Variants in TMEM169 observed in about 807,000 individuals in gnomAD.
TMEM169 encodes transmembrane protein 169.
A neutral mutation model predicts 27.3 loss-of-function variants in TMEM169; 18 were observed. The observed-to-expected ratio is 0.66, with a 90% CI of 0.46 to 0.98. TMEM169 has a LOEUF of 0.98. Among genes scored for constraint, TMEM169 ranks in the 50% least tolerant of loss-of-function variants. TMEM169 has a pLI of 0.00. For missense variants in TMEM169, 320 were observed against 368.6 expected (o/e 0.87, Z 1.08); for synonymous variants, 136 against 142.1 (o/e 0.96, Z 0.30).
rs147093804 is a variant in TMEM169 at position 216,087,386 on chromosome 2, A to C, written c.-127+5407A>C. On this transcript the variant is annotated intron_variant, in intron 1 of 2. Transcript: ENST00000437356. Reference sequence around the variant, plus strand: ...TGTCTTCCAGTTTAGAGGAAGTAGTATGAAGGCTGTATTCTGGCATATGGT... The same window carrying C: ...TGTCTTCCAGTTTAGAGGAAGTAGTCTGAAGGCTGTATTCTGGCATATGGT... Among the ~76,000 whole-genome samples the C allele has an allele frequency of 3.4e-4, 52 of 152,350 alleles. 1 individual carries two copies. The East Asian group carries it at 9.2e-3, about 27-fold the overall frequency.
rs140150309 is a variant in TMEM169 at position 216,096,036 on chromosome 2, G to A, written c.73G>A (p.Val25Met). ...SPHQGSLRKAVAAALALDGES... is the reference protein window; with the variant it reads ...SPHQGSLRKAMAAALALDGES... ...CCACCAGGGCTCTCTCAGGAAGGCT[G>A]TGGCTGCTGCCCTGGCGCTGGATGG... The change falls in exon 2 of 3, where the codon GTG (valine) becomes ATG (methionine). Residue 25 changes from valine to methionine, a missense_variant. Transcript: ENST00000437356. 192 of 1,614,226 alleles carry A rather than the reference G, an allele frequency of 1.2e-4. 1 individual carries two copies. In the Middle Eastern group the frequency reaches 4.6e-3, roughly 39 times the overall value.
intron 1 of TMEM169, among the ~76,000 whole-genome samples, chr2:216,093,837 T>C (rs914200365): frequency 1.3e-5 from 2 of 152,156 alleles, no homozygotes; most frequent in African/African-American, 4.8e-5. Context: ...TTAAGAGATA[T>C]GCTATACAGT....
At chr2:216,092,185 G>T (rs1394098789) in intron 1 of TMEM169, among the ~76,000 whole-genome samples, 1 of 152,012 alleles carries the variant, frequency 6.6e-6, no homozygotes, top group Non-Finnish European at 1.5e-5. Context: ...CCAACAAGAT[G>T]ACCATGTTTA....
In TMEM169 at chr2:216,099,202, T is replaced by G. The variant is rs544614507; in HGVS notation, c.272-718T>G. Among the ~76,000 whole-genome samples, 14 of 150,824 alleles carry G rather than the reference T, an allele frequency of 9.3e-5. No individual in the cohort carries two copies. In the East Asian group the frequency reaches 2.1e-3, roughly 23 times the overall value. ...GAGGTTGTGTGTGGCATGTGTGTGG[T>G]GTATGTGTTATGTATGGTGTTTGGT... On this transcript the variant is annotated intron_variant, in intron 2 of 2. Transcript: ENST00000437356. This position sits in a 1 kb window ranked among gnomAD's most constrained non-coding sequence, Gnocchi z 5.0.
intron 2 of TMEM169, among the ~76,000 whole-genome samples, chr2:216,096,931 T>G (rs1696277325): frequency 6.6e-6 from 1 of 152,158 alleles, no homozygotes; most frequent in Admixed American, 6.5e-5. Context: ...ATGACAACAA[T>G]GAGATATAGT....
intron 1 of TMEM169, among the ~76,000 whole-genome samples, chr2:216,087,315 C>A (rs1351629617): frequency 1.3e-5 from 2 of 151,956 alleles, no homozygotes; most frequent in Non-Finnish European, 2.9e-5. Context: ...TATTAATCAC[C>A]ATTAATATGG....
chr2:216,085,040 G>C (rs1695964213), intron 1 of TMEM169, among the ~76,000 whole-genome samples: 1 of 152,136 alleles, frequency 6.6e-6, no homozygotes, highest in South Asian at 2.1e-4. Context: ...CCAGGCTGGA[G>C]TGCAGTGGCA....
At chr2:216,088,255 C>G (rs200569563) in intron 1 of TMEM169, among the ~76,000 whole-genome samples, 1 of 151,778 alleles carries the variant, frequency 6.6e-6, no homozygotes, top group African/African-American at 2.4e-5. Flanking sequence ...GTCAGGAGAT[C>G]GAGACCATCC....
intron 1 of TMEM169, among the ~76,000 whole-genome samples, chr2:216,092,533 A>G (rs1423708625): frequency 6.6e-6 from 1 of 152,088 alleles, no homozygotes; most frequent in Non-Finnish European, 1.5e-5. Context: ...TTCCTAGAGC[A>G]CCACCCCCTC....
chr2:216,099,822 G>A lies in TMEM169; in HGVS notation c.272-98G>A. The A allele has an allele frequency of 4.0e-6, 6 of 1,492,616 alleles. No homozygotes were observed. The highest frequency in any genetic ancestry group is 5.4e-6 in the Non-Finnish European group (6 of 1,113,760). 92.5% of individuals were successfully genotyped at this position (1,492,616 alleles called of 1,614,324 possible). ...GGACTGTGCCAGATGGTGTAAAAAA[G>A]GCTACTCTTGTCCTCATGCCCAGCC... On this transcript the variant is annotated intron_variant, in intron 2 of 2. Transcript: ENST00000437356. The surrounding 1 kb of genome is among the most constrained non-coding windows in gnomAD (Gnocchi z 5.0).
chr2:216,094,597 A>G (rs557221513), intron 1 of TMEM169, among the ~76,000 whole-genome samples: 2 of 152,318 alleles, frequency 1.3e-5, no homozygotes, highest in East Asian at 3.9e-4. Context: ...CCTGCCAAAC[A>G]AAACAAACCA....
chr2:216,087,940 C>T (rs776279046), intron 1 of TMEM169, among the ~76,000 whole-genome samples: 11 of 152,040 alleles, frequency 7.2e-5, no homozygotes, highest in East Asian at 3.9e-4. Context: ...AGATGGATCA[C>T]TTGAGGTCAG....
At position 216,096,115 on chromosome 2, in the gene TMEM169, C is replaced by T. The variant is rs1487474472; in HGVS notation, c.152C>T (p.Ser51Phe). ...KKKRKESRPE[S>F]IIIYRSDNEK... ...AAGAGGAAAGAGTCACGCCCAGAAT[C>T]CATCATCATCTACCGCTCAGACAAT... The change falls in exon 2 of 3, where the codon TCC becomes TTC. Residue 51 changes from serine (S) to phenylalanine (F), a missense_variant. Physicochemically the swap from Ser to Phe is radical, Grantham distance 155 (BLOSUM62 -2). Coordinates refer to ENST00000437356, the MANE Select transcript of TMEM169 (RefSeq NM_001142311.2). The T allele has an allele frequency of 6.2e-6, 10 of 1,614,036 alleles. No individual in the cohort carries two copies. In the Admixed American group the frequency reaches 1.7e-4, roughly 27 times the overall value.
chr2:216,084,951 G>A (rs746002431), intron 1 of TMEM169, among the ~76,000 whole-genome samples: 19 of 152,022 alleles, frequency 1.2e-4, no homozygotes, highest in Non-Finnish European at 2.1e-4. Flanking sequence ...GAAGTTACAG[G>A]AGGATTTTAA....
intron 1 of TMEM169, among the ~76,000 whole-genome samples, chr2:216,094,506 C>CA: frequency 6.6e-6 from 1 of 152,132 alleles, no homozygotes; most frequent in Non-Finnish European, 1.5e-5. Context: ...TGGCCATTAA[C>CA]GGGCTGTTAA....
intron 1 of TMEM169, among the ~76,000 whole-genome samples, chr2:216,093,549 A>T (rs1391374778): frequency 6.6e-6 from 1 of 152,094 alleles, no homozygotes; most frequent in African/African-American, 2.4e-5. Flanking sequence ...CATCCTGTGG[A>T]TCCTACCACT....
intron 1 of TMEM169, among the ~76,000 whole-genome samples, chr2:216,092,065 G>A (rs1338578399): frequency 6.6e-6 from 1 of 152,150 alleles, no homozygotes; most frequent in African/African-American, 2.4e-5. Flanking sequence ...AAGGTGAATA[G>A]CCAGGAGCTC....
At chr2:216,086,183 G>T (rs1198603599) in intron 1 of TMEM169, among the ~76,000 whole-genome samples, 11 of 151,980 alleles carry the variant, frequency 7.2e-5, no homozygotes, top group African/African-American at 1.9e-4. Context: ...TCCTACCTCA[G>T]CCTCCGGAGT....
At chr2:216,092,105 G>C (rs963567353) in intron 1 of TMEM169, among the ~76,000 whole-genome samples, 1 of 152,144 alleles carries the variant, frequency 6.6e-6, no homozygotes, top group Non-Finnish European at 1.5e-5. Flanking sequence ...TCTTGTCTAA[G>C]GTTTTAATGG....
Sources: gnomAD v4.1 joint callset for allele counts (sites outside exome capture counted in the v4.1 genomes callset) on GRCh38, gnomAD v4.1.1 for gene constraint, Gnocchi (gnomAD v3.1) non-coding constraint, MANE v1.5 for transcripts, NCBI Gene and HGNC (gene_info 2026-07-23, HGNC 2026-07-21) for gene names.